Variants in ARPP19 observed in about 807,000 individuals in gnomAD.
ARPP19 encodes cAMP regulated phosphoprotein 19, also known as cAMP-regulated phosphoprotein 19.
In ARPP19, 8 loss-of-function variants were observed where a neutral mutation model predicts 12.0. The ratio of observed to expected loss-of-function variants is 0.67; its 90% CI spans 0.39 to 1.21. ARPP19 has a LOEUF of 1.21. Ranked by LOEUF, ARPP19 falls within the 50% of genes most tolerant of loss-of-function variation. The probability of loss-of-function intolerance (pLI) is 0.01; values close to 1 mark genes in which losing one functional copy is unlikely to be tolerated. For synonymous variants in ARPP19, 47 were observed against 50.4 expected, an observed-to-expected ratio of 0.93 and a Z score of 0.29; for missense variants, 102 against 136.3, an observed-to-expected ratio of 0.75 and a Z score of 1.25.
intron 1 of ARPP19, among the ~76,000 whole-genome samples, chr15:52,565,805 C>G (rs755313597): frequency 1.3e-5 from 2 of 152,218 alleles, no homozygotes; most frequent in Non-Finnish European, 2.9e-5. Context: ...ACCAAGCACA[C>G]AATCAAAAAT....
chr15:52,563,689 G>A (rs1332634121), intron 1 of ARPP19, among the ~76,000 whole-genome samples: 2 of 152,146 alleles, frequency 1.3e-5, no homozygotes, highest in East Asian at 3.8e-4. Flanking sequence ...GCAGAGGAGG[G>A]TTATACAGCA....
intron 1 of ARPP19, among the ~76,000 whole-genome samples, chr15:52,559,762 A>G (rs2078015022): frequency 6.6e-6 from 1 of 152,202 alleles, no homozygotes; most frequent in African/African-American, 2.4e-5. Context: ...CACTGCAGAT[A>G]TCTACTGCAG....
At chr15:52,569,111 C>T, upstream of ARPP19, 1 of 541,974 alleles carries the variant, frequency 1.8e-6, no homozygotes, top group Non-Finnish European at 3.2e-6. Flanking sequence ...CGCACCCCTA[C>T]CTACTTGACC....
In ARPP19 at chr15:52,549,446, G is replaced by T. The variant is rs1195634686; in HGVS notation, c.*2488C>A. ...TATACCTACAAATCCTTAACGACAG[G>T]TCTCTCCTAATGAAAAATCCTGAGA... On this transcript the variant is annotated 3_prime_UTR_variant, in exon 3 of 3. Coordinates refer to ENST00000249822, the MANE Select transcript of ARPP19 (RefSeq NM_006628.6). 1 of 152,548 alleles carries T rather than the reference G, an allele frequency of 6.6e-6. No individual in the cohort carries two copies. The highest frequency in any genetic ancestry group is 1.5e-5 in the Non-Finnish European group (1 of 68,022). The allele number at this position is 152,548 out of a possible 1,614,324, so 9.4% of individuals were successfully genotyped here. A position where few individuals can be genotyped will look rare whatever the true frequency, so the allele number is the denominator to read the frequency against.
chr15:52,568,925 A>C lies in ARPP19; in HGVS notation c.-33T>G. 1.5e-6 allele frequency: 2 copies of C among 1,342,824 alleles called. No homozygotes were observed. Among genetic ancestry groups the C allele is most frequent in the Non-Finnish European group, 2.0e-6 (2 of 987,776 alleles). 83.2% of individuals were successfully genotyped at this position (1,342,824 alleles called of 1,614,324 possible). On this transcript the variant is annotated 5_prime_UTR_variant, in exon 1 of 3. Transcript: ENST00000249822. Reference sequence around the variant, plus strand: ...CCTCTGCAGACGAGACGCCGGGAAAAGATGCAATTAGCGGGTGGCCGAGGC... The same window carrying C: ...CCTCTGCAGACGAGACGCCGGGAAACGATGCAATTAGCGGGTGGCCGAGGC...
chr15:52,557,767 A>G (rs1002055020), intron 1 of ARPP19: 4 of 151,934 alleles, frequency 2.6e-5, no homozygotes, highest in East Asian at 1.9e-4. Flanking sequence ...AATAATAGAG[A>G]TGGGGTCTTG....
intron 2 of ARPP19, among the ~76,000 whole-genome samples, chr15:52,553,241 GTAAT>G (rs1241917637): frequency 6.6e-6 from 1 of 152,082 alleles, no homozygotes; most frequent in Non-Finnish European, 1.5e-5. Flanking sequence ...AAATATTAGA[GTAAT>G]GAAAGAAATA....
chr15:52,547,648 AGAGT>A lies in ARPP19; in HGVS notation c.*4282_*4285del, dbSNP rs1382847200. 6.6e-6 allele frequency: 1 copy of A among 152,260 alleles called. No homozygotes were observed. Among genetic ancestry groups the A allele is most frequent in the Non-Finnish European group, 1.5e-5 (1 of 68,044 alleles). The allele number at this position is 152,260 out of a possible 1,614,324, so 9.4% of individuals were successfully genotyped here. A position where few individuals can be genotyped will look rare whatever the true frequency, so the allele number is the denominator to read the frequency against. On this transcript the variant is annotated 3_prime_UTR_variant, in exon 3 of 3. Coordinates refer to ENST00000249822, the MANE Select transcript of ARPP19 (RefSeq NM_006628.6). ...TTTTTATTCTTAGATTAACAATGACAGAGTGAGATATCTTTGATTACAATTTTAT... is the reference window on the plus strand; with the variant it reads ...TTTTTATTCTTAGATTAACAATGACAGAGATATCTTTGATTACAATTTTAT...
At chr15:52,565,894 G>A (rs1023623426) in intron 1 of ARPP19, among the ~76,000 whole-genome samples, 10 of 152,242 alleles carry the variant, frequency 6.6e-5, no homozygotes, top group African/African-American at 2.4e-4. Context: ...TCACTCTGTT[G>A]CCCAGGCTAG....
At chr15:52,552,879 C>T (rs2077948163) in intron 2 of ARPP19, among the ~76,000 whole-genome samples, 1 of 152,068 alleles carries the variant, frequency 6.6e-6, no homozygotes, top group Non-Finnish European at 1.5e-5. Context: ...GAGTTTGAAA[C>T]CAGAACGGCC....
In ARPP19 at chr15:52,551,159, A is replaced by G. The variant is rs747102701; in HGVS notation, c.*775T>C. The G allele has an allele frequency of 4.6e-5, 7 of 152,808 alleles. No individual in the cohort carries two copies. The highest frequency in any genetic ancestry group is 8.8e-5 in the Non-Finnish European group (6 of 68,048). 9.5% of individuals were successfully genotyped at this position (152,808 alleles called of 1,614,324 possible). ...TGGTTGGCACATTATCTACTTTTTA[A>G]GTATGTGAAATTAATACAGACATTT... On this transcript the variant is annotated 3_prime_UTR_variant, in exon 3 of 3. Coordinates refer to ENST00000249822, the MANE Select transcript of ARPP19 (RefSeq NM_006628.6).
chr15:52,562,987 T>C (rs1397996901), intron 1 of ARPP19, among the ~76,000 whole-genome samples: 1 of 150,974 alleles, frequency 6.6e-6, no homozygotes, highest in Non-Finnish European at 1.5e-5. Flanking sequence ...GTGATTCTCC[T>C]GCCTCAGCCT....
At position 52,547,522 on chromosome 15, in the gene ARPP19, CAT is replaced by C. The variant is rs1421340058; in HGVS notation, c.*4410_*4411del. 1.3e-5 allele frequency: 2 copies of C among 152,096 alleles called. No homozygotes were observed. Among genetic ancestry groups the C allele is most frequent in the Non-Finnish European group, 2.9e-5 (2 of 68,030 alleles). 9.4% of individuals were successfully genotyped at this position (152,096 alleles called of 1,614,324 possible). On this transcript the variant is annotated 3_prime_UTR_variant, in exon 3 of 3. Coordinates refer to ENST00000249822, the MANE Select transcript of ARPP19 (RefSeq NM_006628.6). ...TAGTTGAAAAATAACATAATACAAACATATATTAATGGCTATCAAGACCAGCA... is the reference window on the plus strand; with the variant it reads ...TAGTTGAAAAATAACATAATACAAACATATTAATGGCTATCAAGACCAGCA...
intron 1 of ARPP19, among the ~76,000 whole-genome samples, chr15:52,560,137 G>T (rs916613928): frequency 2.6e-5 from 4 of 152,042 alleles, no homozygotes; most frequent in African/African-American, 9.7e-5. Flanking sequence ...GATATATAAA[G>T]GAAAATACCT....
rs140977330 is a variant in ARPP19, at chr15:52,566,213, C to T, written c.45+2635G>A. 4.1e-4 allele frequency among the ~76,000 whole-genome samples: 62 copies of T among 152,174 alleles called. 1 individual carries two copies. The highest frequency in any genetic ancestry group is 1.3e-3 in the African/African-American group (52 of 41,500). On this transcript the variant is annotated intron_variant, in intron 1 of 2. Coordinates refer to ENST00000249822, the MANE Select transcript of ARPP19 (RefSeq NM_006628.6). ...TTGTTCTGTTGCCCAGGCAGGAGTACAGTGGTATGATCTCAGCTCACTGCA... is the reference window on the plus strand; with the variant it reads ...TTGTTCTGTTGCCCAGGCAGGAGTATAGTGGTATGATCTCAGCTCACTGCA...
intron 1 of ARPP19, among the ~76,000 whole-genome samples, chr15:52,559,421 G>A (rs1300647544): frequency 6.6e-6 from 1 of 152,104 alleles, no homozygotes. Context: ...TACAATACAA[G>A]CCTATTACCT....
rs2077930267 is a variant in ARPP19, at chr15:52,551,478, A to G, written c.*456T>C. On this transcript the variant is annotated 3_prime_UTR_variant, in exon 3 of 3. Transcript: ENST00000249822. The stretch of plus-strand genomic sequence containing the variant: ...TCAGAGCCCCATCTAGTTGTGTTTG[A>G]AATATGTGACCTTTCTTCTAACTTG... 6.5e-6 allele frequency: 1 copy of G among 153,286 alleles called. No homozygotes were observed. Among genetic ancestry groups the G allele is most frequent in the African/African-American group, 2.4e-5 (1 of 41,478 alleles). 9.5% of individuals were successfully genotyped at this position (153,286 alleles called of 1,614,324 possible). A position where few individuals can be genotyped will look rare whatever the true frequency, so the allele number is the denominator to read the frequency against.
At chr15:52,562,045 T>A (rs905641521) in intron 1 of ARPP19, among the ~76,000 whole-genome samples, 3 of 151,722 alleles carry the variant, frequency 2.0e-5, no homozygotes, top group Admixed American at 6.6e-5. Context: ...CCCAAAGTGC[T>A]GGGACTGCAG....
At position 52,568,921 on chromosome 15, in the gene ARPP19, G is replaced by T; in HGVS notation, c.-29C>A. 3 of 1,203,764 alleles carry T rather than the reference G, an allele frequency of 2.5e-6. No homozygotes were observed. The highest frequency in any genetic ancestry group is 3.4e-6 in the Non-Finnish European group (3 of 880,928). The allele number at this position is 1,203,764 out of a possible 1,614,324, so 74.6% of individuals were successfully genotyped here. A position where few individuals can be genotyped will look rare whatever the true frequency, so the allele number is the denominator to read the frequency against. On this transcript the variant is annotated 5_prime_UTR_variant, in exon 1 of 3. Coordinates refer to ENST00000249822, the MANE Select transcript of ARPP19 (RefSeq NM_006628.6). ...GCTCCCTCTGCAGACGAGACGCCGG[G>T]AAAAGATGCAATTAGCGGGTGGCCG...
Sources: gnomAD v4.1 joint callset for allele counts (sites outside exome capture counted in the v4.1 genomes callset) on GRCh38, gnomAD v4.1.1 for gene constraint, MANE v1.5 for transcripts, NCBI Gene and HGNC (gene_info 2026-07-23, HGNC 2026-07-21) for gene names.